Variants in SUDS3 observed in about 807,000 individuals in gnomAD.
SUDS3 encodes the protein SIN3A corepressor complex component SDS3, also known as sin3 histone deacetylase corepressor complex component SDS3.
In SUDS3, 23 loss-of-function variants were observed where a neutral mutation model predicts 53.5. The ratio of observed to expected loss-of-function variants is 0.43; its 90% CI spans 0.31 to 0.61. SUDS3 has a LOEUF of 0.61. SUDS3 is among the 20% of genes least tolerant of loss of function. SUDS3 has a pLI of 0.10. For missense variants in SUDS3, 291 were observed against 405.9 expected (o/e 0.72, Z 2.43); for synonymous variants, 150 against 148.5 (o/e 1.01, Z -0.08).
chr12:118,384,888 T>C (rs991930540), intron 3 of SUDS3, among the ~76,000 whole-genome samples: 1 of 152,098 alleles, frequency 6.6e-6, no homozygotes, highest in African/African-American at 2.4e-5. Flanking sequence ...GAATCCCAGT[T>C]TCCCTGCTTC....
At chr12:118,395,035 A>T (rs1284868371) in intron 6 of SUDS3, among the ~76,000 whole-genome samples, 2 of 151,970 alleles carry the variant, frequency 1.3e-5, no homozygotes, top group African/African-American at 2.4e-5. Context: ...CTACTATAGG[A>T]GCAGTAAGTT....
rs906982304 is a variant in SUDS3, at chr12:118,376,567, G to C, written c.-125G>C. On this transcript the variant is annotated 5_prime_UTR_variant, in exon 1 of 12. Transcript: ENST00000543473. ...GGCGGAGCTCGGCGGAGACGGGGAA[G>C]GGGTCGCCGTGGCTGCCGGTCCTCG... 1.4e-5 allele frequency: 17 copies of C among 1,193,852 alleles called. No individual in the cohort carries two copies. Among genetic ancestry groups the C allele is most frequent in the Admixed American group, 8.5e-5 (2 of 23,454 alleles). 74.0% of individuals were successfully genotyped at this position (1,193,852 alleles called of 1,614,324 possible).
chr12:118,385,169 C>T (rs1215096524), intron 3 of SUDS3, among the ~76,000 whole-genome samples: 2 of 151,634 alleles, frequency 1.3e-5, no homozygotes, highest in South Asian at 2.1e-4. Flanking sequence ...AGGGCAGTGG[C>T]GCGATCTCAG....
Position 118,391,298 on chromosome 12 carries a change from G to T in SUDS3, c.517+16G>T, listed in dbSNP as rs1307492233. 5 of 1,598,192 alleles carry T rather than the reference G, an allele frequency of 3.1e-6. No homozygotes were observed. In the Admixed American group the frequency reaches 8.9e-5, roughly 28 times the overall value. On this transcript the variant is annotated intron_variant, in intron 6 of 11. Coordinates refer to ENST00000543473, the MANE Select transcript of SUDS3 (RefSeq NM_022491.3). Reference sequence around the variant, plus strand: ...CTGACTGGAGGTAGGAAAGCCCTATGGGGTGGGATCTTGGGGGCCCTGAGC... The same window carrying T: ...CTGACTGGAGGTAGGAAAGCCCTATTGGGTGGGATCTTGGGGGCCCTGAGC...
At chr12:118,403,587 T>G (rs1358725027) in intron 10 of SUDS3, 70 bp downstream of exon 10, 1 of 1,275,482 alleles carries the variant, frequency 7.8e-7, no homozygotes, top group African/African-American at 1.5e-5. Context: ...CTGGGGCTAT[T>G]GTAGTTATTT....
chr12:118,398,326 C>G (rs769591462), intron 6 of SUDS3, among the ~76,000 whole-genome samples: 8 of 152,138 alleles, frequency 5.3e-5, no homozygotes, highest in Non-Finnish European at 1.2e-4. Context: ...ACAGCCGTTG[C>G]AGGGATTCAA....
At chr12:118,409,204 G>A (rs2393403) in intron 10 of SUDS3, among the ~76,000 whole-genome samples, 17,366 of 150,092 alleles carry the variant, frequency 0.12, 1,257 homozygotes, top group Middle Eastern at 0.19. Context: ...CTGGAGTGCA[G>A]TGGCATGATC....
At chr12:118,398,408 G>C (rs1160623792) in intron 6 of SUDS3, among the ~76,000 whole-genome samples, 3 of 152,110 alleles carry the variant, frequency 2.0e-5, no homozygotes, top group Non-Finnish European at 4.4e-5. Flanking sequence ...ACTGGAGAAG[G>C]GTGGCACCTC....
chr12:118,410,771 G>C (rs1015790059), intron 10 of SUDS3, among the ~76,000 whole-genome samples: 8 of 151,696 alleles, frequency 5.3e-5, no homozygotes, highest in African/African-American at 1.9e-4. Context: ...TACTTTTTTT[G>C]TATTTTTAGT....
intron 1 of SUDS3, among the ~76,000 whole-genome samples, chr12:118,379,324 C>T (rs1322905941): frequency 6.6e-6 from 1 of 152,036 alleles, no homozygotes; most frequent in African/African-American, 2.4e-5. Context: ...GTAATCCCAG[C>T]TATTTGGGAA....
chr12:118,414,096 G>A (rs2046380446), intron 11 of SUDS3, among the ~76,000 whole-genome samples: 1 of 152,218 alleles, frequency 6.6e-6, no homozygotes, highest in South Asian at 2.1e-4. Context: ...CGTAATCACA[G>A]GTGTGAGAGA....
chr12:118,409,649 T>A (rs553913140), intron 10 of SUDS3, among the ~76,000 whole-genome samples: 1 of 152,374 alleles, frequency 6.6e-6, no homozygotes, highest in South Asian at 2.1e-4. Flanking sequence ...GCCATCATGC[T>A]TTGCTGGGAG....
At chr12:118,397,655 T>C (rs2046227836) in intron 6 of SUDS3, among the ~76,000 whole-genome samples, 1 of 152,176 alleles carries the variant, frequency 6.6e-6, no homozygotes. Flanking sequence ...CCAGAGTCTC[T>C]TCCTTCTGCA....
At chr12:118,387,490 C>T (rs1205570156) in intron 4 of SUDS3, among the ~76,000 whole-genome samples, 1 of 151,988 alleles carries the variant, frequency 6.6e-6, no homozygotes, top group Admixed American at 6.6e-5. Context: ...GAAGTTAGAA[C>T]AGCAGAGTGA....
intron 1 of SUDS3, among the ~76,000 whole-genome samples, chr12:118,378,350 A>G (rs554269359): frequency 6.6e-6 from 1 of 152,306 alleles, no homozygotes; most frequent in East Asian, 1.9e-4. Context: ...AACCAAGCGC[A>G]GCTCAAAAAT....
chr12:118,414,324 C>G lies in SUDS3; in HGVS notation c.889-11C>G. The stretch of plus-strand genomic sequence containing the variant: ...AACTTTTCATCTTGTTCCCTTTCCT[C>G]TCCCCTGCAGATCTGGGTGAGGAAG... On this transcript the variant is annotated splice_polypyrimidine_tract_variant and intron_variant, in intron 11 of 11. Coordinates refer to ENST00000543473, the MANE Select transcript of SUDS3 (RefSeq NM_022491.3). 6.3e-7 allele frequency: 1 copy of G among 1,586,292 alleles called. No homozygotes were observed. Among genetic ancestry groups the G allele is most frequent in the South Asian group, 1.2e-5 (1 of 86,684 alleles).
intron 6 of SUDS3, among the ~76,000 whole-genome samples, chr12:118,394,507 A>G (rs1426936454): frequency 6.6e-6 from 1 of 152,214 alleles, no homozygotes; most frequent in African/African-American, 2.4e-5. Flanking sequence ...CAGATACCAT[A>G]GATACATGTG....
At chr12:118,405,060 C>G (rs908643113) in intron 10 of SUDS3, among the ~76,000 whole-genome samples, 4 of 152,158 alleles carry the variant, frequency 2.6e-5, no homozygotes, top group Admixed American at 1.3e-4. Flanking sequence ...TCAGAAAGGT[C>G]GGTTTGTGTT....
At chr12:118,396,189 G>A (rs2046213814) in intron 6 of SUDS3, among the ~76,000 whole-genome samples, 1 of 152,186 alleles carries the variant, frequency 6.6e-6, no homozygotes, top group Admixed American at 6.5e-5. Context: ...TGTTTACTCT[G>A]CAGTGGATTT....
Sources: gnomAD v4.1 joint callset for allele counts (sites outside exome capture counted in the v4.1 genomes callset) on GRCh38, gnomAD v4.1.1 for gene constraint, MANE v1.5 for transcripts, NCBI Gene and HGNC (gene_info 2026-07-23, HGNC 2026-07-21) for gene names.